SHOC2: variants seen among roughly 807,000 people sequenced by gnomAD.
SHOC2 encodes the protein leucine-rich repeat protein SHOC-2.
Under a neutral mutation model 50.2 loss-of-function variants are expected in SHOC2, and 4 were observed. The observed-to-expected ratio is 0.08, with a 90% CI of 0.04 to 0.18. The LOEUF (loss-of-function observed/expected upper bound fraction) is 0.18. Among genes scored for constraint, SHOC2 ranks in the 10% least tolerant of loss-of-function variants. SHOC2 has a pLI of 1.00. For missense variants in SHOC2, 388 were observed against 669.6 expected, an observed-to-expected ratio of 0.58 and a Z score of 4.64; for synonymous variants, 218 against 244.5, an observed-to-expected ratio of 0.89 and a Z score of 1.01.
In SHOC2 at chr10:110,972,302, C is replaced by T. The variant is rs528213576; in HGVS notation, c.703+7241C>T. 1.4e-3 allele frequency among the ~76,000 whole-genome samples: 208 copies of T among 152,124 alleles called. 4 individuals are homozygous for T. The highest frequency in any genetic ancestry group is 6.0e-4 in the Non-Finnish European group (41 of 67,988). ...TAAAATTCTTGAAATTCTCTCAGGA[C>T]TGCCAGGAGTGATACAATTGCTTAT... On this transcript the variant is annotated intron_variant, in intron 2 of 8. Coordinates refer to ENST00000369452, the MANE Select transcript of SHOC2 (RefSeq NM_007373.4).
chr10:110,959,100 T>G (rs1847525318), intron 1 of SHOC2, among the ~76,000 whole-genome samples: 1 of 152,194 alleles, frequency 6.6e-6, no homozygotes, highest in African/African-American at 2.4e-5. Flanking sequence ...AATGAAGAAT[T>G]TATTATACAT....
chr10:110,936,604 T>TTTTTTTTTTTTTTTAA, intron 1 of SHOC2: 1 of 761,838 alleles, frequency 1.3e-6, no homozygotes, highest in African/African-American at 1.8e-5. Context: ...TTTTTTTTTT[T>TTTTTTTTTTTTTTTAA]AACAGTCTTT....
chr10:110,976,115 T>A (rs1485277350), intron 2 of SHOC2, among the ~76,000 whole-genome samples: 1 of 152,084 alleles, frequency 6.6e-6, no homozygotes, highest in Non-Finnish European at 1.5e-5. Context: ...TTCACCATGT[T>A]AGCCAGGCTG....
chr10:110,927,971 A>G (rs189607223), intron 1 of SHOC2, among the ~76,000 whole-genome samples: 174 of 152,320 alleles, frequency 1.1e-3, no homozygotes, highest in Non-Finnish European at 1.5e-3. Flanking sequence ...AAATATTCCA[A>G]TGATGCTTGT....
At chr10:111,000,809 A>G (rs117312117) in intron 4 of SHOC2, among the ~76,000 whole-genome samples, 9 of 152,318 alleles carry the variant, frequency 5.9e-5, no homozygotes, top group Non-Finnish European at 1.2e-4. Context: ...GCTGTATTCT[A>G]CTTTAGCACC....
At chr10:110,991,386 C>G (rs999818273) in intron 3 of SHOC2, among the ~76,000 whole-genome samples, 1 of 152,008 alleles carries the variant, frequency 6.6e-6, no homozygotes, top group Non-Finnish European at 1.5e-5. Context: ...ACACATATGC[C>G]TCACCTCTAG....
intron 1 of SHOC2, among the ~76,000 whole-genome samples, chr10:110,953,887 T>A (rs557800071): frequency 6.6e-6 from 1 of 151,158 alleles, no homozygotes; most frequent in Non-Finnish European, 1.5e-5. Context: ...AAAAGGAAAA[T>A]TTTTAATTAT....
intron 5 of SHOC2, among the ~76,000 whole-genome samples, chr10:111,005,125 A>G (rs1848445071): frequency 6.6e-6 from 1 of 152,026 alleles, no homozygotes; most frequent in South Asian, 2.1e-4. Context: ...TTGTCTCGCA[A>G]AAATTTTTTA....
chr10:110,985,511 G>A (rs2134148983), intron 2 of SHOC2, 117 bp from the exon 3 acceptor site: 1 of 739,140 alleles, frequency 1.4e-6, no homozygotes. Context: ...TATCTAATAA[G>A]GTTATGTTTC....
chr10:110,958,213 T>C (rs765271101), intron 1 of SHOC2, among the ~76,000 whole-genome samples: 7 of 116,086 alleles, frequency 6.0e-5, no homozygotes, highest in Non-Finnish European at 1.5e-4. Flanking sequence ...CATCCATTTC[T>C]TTCTTTCTTT....
intron 2 of SHOC2, among the ~76,000 whole-genome samples, chr10:110,974,293 T>C (rs189195358): frequency 1.3e-3 from 195 of 152,218 alleles, no homozygotes; most frequent in Non-Finnish European, 1.8e-3. Flanking sequence ...TTTCCAAATA[T>C]ATGAGAGAGA....
chr10:110,930,086 T>A (rs970493109), intron 1 of SHOC2, among the ~76,000 whole-genome samples: 2 of 152,218 alleles, frequency 1.3e-5, no homozygotes, highest in Non-Finnish European at 2.9e-5. Context: ...TGATATTTTT[T>A]AAAATGTAAT....
At chr10:110,985,076 G>A (rs1311252846) in intron 2 of SHOC2, among the ~76,000 whole-genome samples, 1 of 152,038 alleles carries the variant, frequency 6.6e-6, no homozygotes, top group Non-Finnish European at 1.5e-5. Context: ...ATCCATTTTG[G>A]TAGTGAAAAT....
intron 1 of SHOC2, among the ~76,000 whole-genome samples, chr10:110,947,218 A>C (rs1025887768): frequency 6.6e-6 from 1 of 152,208 alleles, no homozygotes; most frequent in African/African-American, 2.4e-5. Context: ...AGTGAACCCC[A>C]GTGCCAGGCT....
At chr10:110,989,015 A>C in intron 3 of SHOC2, 1 of 506,328 alleles carries the variant, frequency 2.0e-6, no homozygotes, top group Non-Finnish European at 3.9e-6. Flanking sequence ...CTGATAGAAG[A>C]ATGTTATTTT....
In SHOC2 at chr10:111,007,726, A is replaced by G. The variant is rs112317905; in HGVS notation, c.1284+73A>G. 6.5e-4 allele frequency: 954 copies of G among 1,459,600 alleles called. 5 individuals are homozygous for G. The African/African-American group carries it at 9.4e-3, about 14-fold the overall frequency. 90.4% of individuals were successfully genotyped at this position (1,459,600 alleles called of 1,614,324 possible). ...TCTCATTTAAAAATTTCAAATTTAA[A>G]TAAGCAATTTCTATTTGGGTGAATG... On this transcript the variant is annotated intron_variant, in intron 6 of 8. Coordinates refer to ENST00000369452, the MANE Select transcript of SHOC2 (RefSeq NM_007373.4).
In SHOC2 at chr10:110,964,190, G is replaced by A; in HGVS notation, c.-169G>A. Reference sequence around the variant, plus strand: ...AGTTGGAATGAATGATCAGAAATGGGCATAGTGCTTTTAGATCCAACATGT... The same window carrying A: ...AGTTGGAATGAATGATCAGAAATGGACATAGTGCTTTTAGATCCAACATGT... On this transcript the variant is annotated 5_prime_UTR_variant, in exon 2 of 9. Coordinates refer to ENST00000369452, the MANE Select transcript of SHOC2 (RefSeq NM_007373.4). This position sits in a 1 kb window ranked among gnomAD's most constrained non-coding sequence, Gnocchi z 4.9. 1.1e-6 allele frequency: 1 copy of A among 930,178 alleles called. No individual in the cohort carries two copies. The highest frequency in any genetic ancestry group is 1.6e-6 in the Non-Finnish European group (1 of 632,862). 57.6% of individuals were successfully genotyped at this position (930,178 alleles called of 1,614,324 possible).
chr10:111,001,060 CTTTTT>C (rs11379744), intron 4 of SHOC2, among the ~76,000 whole-genome samples: 2 of 145,192 alleles, frequency 1.4e-5, no homozygotes, highest in Non-Finnish European at 3.0e-5. Context: ...TCGCCAGAAT[CTTTTT>C]TTTTTTTTAA....
intron 1 of SHOC2, among the ~76,000 whole-genome samples, chr10:110,944,870 TTGTG>T (rs554633870): frequency 6.6e-6 from 1 of 152,118 alleles, no homozygotes; most frequent in Admixed American, 6.5e-5. Context: ...CCAGAGGATT[TTGTG>T]TGTGTGTGTC....
Sources: allele counts gnomAD v4.1 joint callset (sites outside exome capture counted in the v4.1 genomes callset), GRCh38; gene constraint gnomAD v4.1.1; non-coding constraint Gnocchi (gnomAD v3.1); transcripts MANE v1.5; gene names NCBI Gene and HGNC (gene_info 2026-07-23, HGNC 2026-07-21).